The following NEBL variants were observed in gnomAD, a reference collection of about 807,000 sequenced individuals.
NEBL encodes the protein nebulette.
NEBL carries 122 observed loss-of-function variants against 140.2 expected under a neutral mutation model. That is an observed-to-expected ratio of 0.87 (90% CI 0.75 to 1.01). NEBL has a LOEUF of 1.01. Among genes scored for constraint, NEBL ranks in the 50% least tolerant of loss-of-function variants. The pLI is 0.00. For synonymous variants in NEBL, 436 were observed against 398.9 expected, an observed-to-expected ratio of 1.09 and a Z score of -1.11; for missense variants, 1,365 against 1,231.3, an observed-to-expected ratio of 1.11 and a Z score of -1.62.
chr10:21,180,044 G>A (rs934596583), intron 3 of NEBL, among the ~76,000 whole-genome samples: 1 of 152,216 alleles, frequency 6.6e-6, no homozygotes, highest in Middle Eastern at 3.4e-3. Flanking sequence ...AGCTGAGGAA[G>A]GAGAATTACT....
At chr10:21,123,847 C>A (rs1374237562) in intron 2 of NEBL, among the ~76,000 whole-genome samples, 1 of 150,776 alleles carries the variant, frequency 6.6e-6, no homozygotes, top group African/African-American at 2.4e-5. Flanking sequence ...ATATCTCCAA[C>A]CAATCTAACA....
Position 20,888,106 on chromosome 10 carries a change from G to C in NEBL, c.360C>G (p.Leu120=). 1 of 1,606,182 alleles carries C rather than the reference G, an allele frequency of 6.2e-7. No individual in the cohort carries two copies. The highest frequency in any genetic ancestry group is 8.5e-7 in the Non-Finnish European group (1 of 1,172,934). ...TTTAGAAAAACCCTACCTCACTCTG[G>C]AGCTGTGTAACTTCTCCTGCAAAAA... ...DSVFAGEVTQ[L]QSEVAYKQKH... Residue 120 remains leucine (L), a synonymous_variant, in exon 4 of 28, where the codon CTC becomes CTG. Transcript: ENST00000377122.
At position 20,906,084 on chromosome 10, in the gene NEBL, C is replaced by G. The variant is rs530525830; in HGVS notation, c.357+55588G>C. ...AAATTCTTAGTGAAGAAAGTGTTTCCAGATTTATGAATCTTTGGAAGAAAA... is the reference window on the plus strand; with the variant it reads ...AAATTCTTAGTGAAGAAAGTGTTTCGAGATTTATGAATCTTTGGAAGAAAA... On this transcript the variant is annotated intron_variant, in intron 4 of 6. Coordinates refer to the NEBL transcript ENST00000417816. 3.3e-5 allele frequency among the ~76,000 whole-genome samples: 5 copies of G among 152,152 alleles called. No individual in the cohort carries two copies. In the South Asian group the frequency reaches 1.0e-3, roughly 32 times the overall value.
intron 4 of NEBL, among the ~76,000 whole-genome samples, chr10:20,936,581 G>C (rs1589039256): frequency 6.6e-6 from 1 of 152,188 alleles, no homozygotes; most frequent in Non-Finnish European, 1.5e-5. Context: ...AGAATTAAGT[G>C]AGAGCTTAAA....
rs538981204 is a variant in NEBL at position 20,937,257 on chromosome 10, G to A, written c.357+24415C>T. Among the ~76,000 whole-genome samples the A allele has an allele frequency of 3.3e-5, 5 of 152,268 alleles. No individual in the cohort carries two copies. In the South Asian group the frequency reaches 8.3e-4, roughly 25 times the overall value. On this transcript the variant is annotated intron_variant, in intron 4 of 6. Coordinates refer to the NEBL transcript ENST00000417816. ...GTACCCATCTCCACTGAGAAAGCTC[G>A]ATTTCATATTTTTATTTAACAGCAA...
At chr10:21,030,821 G>T in intron 2 of NEBL, 1 of 355,256 alleles carries the variant, frequency 2.8e-6, no homozygotes, top group South Asian at 2.3e-5. Flanking sequence ...TTGTGACAAT[G>T]ATATTAGTCA....
At chr10:21,136,592 T>A (rs1839367135) in intron 2 of NEBL, among the ~76,000 whole-genome samples, 1 of 152,198 alleles carries the variant, frequency 6.6e-6, no homozygotes. Context: ...TCTTTGGAGC[T>A]TCCCCACCTC....
intron 14 of NEBL, among the ~76,000 whole-genome samples, chr10:20,832,411 C>T (rs1042366038): frequency 6.6e-6 from 1 of 151,842 alleles, no homozygotes; most frequent in Admixed American, 6.6e-5. Flanking sequence ...ATAAGAACAA[C>T]AAATAAGTTA....
At chr10:20,848,523 G>C (rs1211560076) in intron 11 of NEBL, among the ~76,000 whole-genome samples, 1 of 152,206 alleles carries the variant, frequency 6.6e-6, no homozygotes, top group East Asian at 1.9e-4. Context: ...TAACAAAGCA[G>C]GAGGTGAGCA....
At chr10:21,066,994 A>T (rs1406639979) in intron 2 of NEBL, among the ~76,000 whole-genome samples, 2 of 28,288 alleles carry the variant, frequency 7.1e-5, no homozygotes, top group East Asian at 1.1e-3. Flanking sequence ...TTTTTTTGAG[A>T]CAGAGTCTTG....
chr10:20,926,071 T>G (rs1043258257), intron 4 of NEBL, among the ~76,000 whole-genome samples: 19 of 152,204 alleles, frequency 1.2e-4, no homozygotes, highest in Non-Finnish European at 4.4e-5. Flanking sequence ...CTCTCCATTA[T>G]GCCTCTTATG....
chr10:21,059,677 G>C (rs141126868), intron 2 of NEBL, among the ~76,000 whole-genome samples: 1 of 152,298 alleles, frequency 6.6e-6, no homozygotes, highest in African/African-American at 2.4e-5. Context: ...TATTTACTGC[G>C]TTGATTAAAA....
intron 5 of NEBL, among the ~76,000 whole-genome samples, chr10:20,879,418 A>G (rs887597561): frequency 1.2e-4 from 18 of 152,324 alleles, no homozygotes; most frequent in African/African-American, 4.3e-4. Flanking sequence ...ATAATTACAG[A>G]CATGTAGCCT....
At chr10:21,099,553 C>T (rs1329926013) in intron 2 of NEBL, among the ~76,000 whole-genome samples, 1 of 152,210 alleles carries the variant, frequency 6.6e-6, no homozygotes, top group Non-Finnish European at 1.5e-5. Context: ...TTCATCTTGA[C>T]TTCCTTTAGC....
At chr10:21,051,649 G>A (rs976860382) in intron 2 of NEBL, among the ~76,000 whole-genome samples, 3 of 152,112 alleles carry the variant, frequency 2.0e-5, no homozygotes, top group Non-Finnish European at 4.4e-5. Context: ...AACAAATTAA[G>A]TCATTCCCTA....
Position 20,835,519 on chromosome 10 carries a change from C to T in NEBL, c.1443G>A (p.Ala481=), listed in dbSNP as rs1489811595. 1.9e-6 allele frequency: 3 copies of T among 1,609,574 alleles called. No homozygotes were observed. Among genetic ancestry groups the T allele is most frequent in the Non-Finnish European group, 2.5e-6 (3 of 1,177,734 alleles). ...MQHAKKAAEI[A]SEKDYKRDLE... ...CATCACGCACCCTACTAACCTCACT[C>T]GCTATCTCTGCAGCCTTCTTGGCAT... Residue 481 remains alanine (A), a synonymous_variant, in exon 14 of 28, where the codon GCG becomes GCA. Transcript: ENST00000377122.
At chr10:21,022,720 C>G (rs922455443) in intron 2 of NEBL, among the ~76,000 whole-genome samples, 1 of 152,146 alleles carries the variant, frequency 6.6e-6, no homozygotes, top group African/African-American at 2.4e-5. Context: ...ACAAAGAAGT[C>G]ATGCTTTTGA....
At chr10:20,839,219 G>T (rs1841174363) in intron 13 of NEBL, among the ~76,000 whole-genome samples, 1 of 152,124 alleles carries the variant, frequency 6.6e-6, no homozygotes, top group Non-Finnish European at 1.5e-5. Context: ...CCATTCAACT[G>T]CATCTGTCTG....
At chr10:21,051,863 T>A (rs1834793993) in intron 2 of NEBL, among the ~76,000 whole-genome samples, 1 of 152,190 alleles carries the variant, frequency 6.6e-6, no homozygotes, top group Non-Finnish European at 1.5e-5. Flanking sequence ...TCCTTAAGTA[T>A]TTAATTTAAC....
Sources: allele counts gnomAD v4.1 joint callset (sites outside exome capture counted in the v4.1 genomes callset), GRCh38; gene constraint gnomAD v4.1.1; transcripts MANE v1.5; gene names NCBI Gene and HGNC (gene_info 2026-07-23, HGNC 2026-07-21).